REV1: variants seen among roughly 807,000 people sequenced by gnomAD.
The protein encoded by REV1 is REV1 DNA directed polymerase.
A neutral mutation model predicts 137.4 loss-of-function variants in REV1; 42 were observed. That is an observed-to-expected ratio of 0.31 (90% CI 0.24 to 0.40). The LOEUF (loss-of-function observed/expected upper bound fraction) is 0.40, where lower values mean the gene tolerates loss of function less well. Among genes scored for constraint, REV1 ranks in the 10% least tolerant of loss-of-function variants. REV1 has a pLI of 1.00. For synonymous variants in REV1, 524 were observed against 519.2 expected (o/e 1.01, Z -0.12); for missense variants, 1,282 against 1,490.1 (o/e 0.86, Z 2.30).
chr2:99,423,194 G>GAT (rs1337933407), intron 10 of REV1, among the ~76,000 whole-genome samples: 1 of 152,172 alleles, frequency 6.6e-6, no homozygotes, highest in African/African-American at 2.4e-5. Flanking sequence ...GCAAGGATTA[G>GAT]ATATTCCCTT....
chr2:99,465,071 G>A (rs1256976472), intron 1 of REV1, 86 bp from the exon 2 acceptor site: 1 of 1,161,428 alleles, frequency 8.6e-7, no homozygotes, highest in South Asian at 1.4e-5. Flanking sequence ...AAGAAAATGA[G>A]AAATTAAATT....
chr2:99,456,797 G>T (rs780463215), intron 3 of REV1, among the ~76,000 whole-genome samples: 7 of 152,224 alleles, frequency 4.6e-5, no homozygotes, highest in Non-Finnish European at 1.0e-4. Flanking sequence ...GGATCTTAAT[G>T]AATGAATATA....
intron 12 of REV1, among the ~76,000 whole-genome samples, chr2:99,417,957 T>C (rs1575026263): frequency 6.6e-6 from 1 of 152,226 alleles, no homozygotes; most frequent in South Asian, 2.1e-4. Context: ...AAAAATGTCA[T>C]ATTACACATT....
intron 15 of REV1, chr2:99,407,077 G>GTTTTTTTT (rs1293864331): frequency 1.1e-4 from 5 of 46,774 alleles, no homozygotes; most frequent in Non-Finnish European, 1.2e-4. Context: ...ACCTACAAAG[G>GTTTTTTTT]TTCTTTTTTT....
intron 11 of REV1, among the ~76,000 whole-genome samples, chr2:99,419,593 C>CA (rs1423541073): frequency 1.3e-5 from 2 of 152,070 alleles, no homozygotes; most frequent in African/African-American, 4.8e-5. Flanking sequence ...CCACAGGAGA[C>CA]AGAGGAGGTA....
chr2:99,454,514 C>T (rs2105014377), intron 3 of REV1, among the ~76,000 whole-genome samples: 1 of 139,270 alleles, frequency 7.2e-6, no homozygotes, highest in South Asian at 2.4e-4. Flanking sequence ...CCCGCCATTG[C>T]ACTCCAGCCT....
chr2:99,442,180 A>T, intron 5 of REV1, 137 bp downstream of exon 5: 1 of 702,552 alleles, frequency 1.4e-6, no homozygotes, highest in Non-Finnish European at 2.2e-6. Context: ...TGAACCTGGG[A>T]GGCAGAGGTT....
chr2:99,403,378 T>C (rs960804771), intron 19 of REV1: 1 of 556,254 alleles, frequency 1.8e-6, no homozygotes, highest in Non-Finnish European at 3.2e-6. Context: ...GTGATGCATT[T>C]TGAACCAACA....
At chr2:99,452,503 G>A (rs981127556) in intron 3 of REV1, among the ~76,000 whole-genome samples, 4 of 151,738 alleles carry the variant, frequency 2.6e-5, no homozygotes, top group Non-Finnish European at 5.9e-5. Flanking sequence ...TAAACATTGT[G>A]TGACACACTG....
chr2:99,435,715 GGAAGAACCGATTTTC>G, intron 7 of REV1, 104 bp downstream of exon 7: 1 of 570,376 alleles, frequency 1.8e-6, no homozygotes, highest in Non-Finnish European at 3.0e-6. Context: ...TAGAAAATTT[GGAAGAACCGATTTTC>G]CCAAGGAAAA....
At chr2:99,435,769 A>T in intron 7 of REV1, 65 bp downstream of exon 7, 1 of 816,096 alleles carries the variant, frequency 1.2e-6, no homozygotes, top group Non-Finnish European at 1.9e-6. Context: ...AGATTTTGTA[A>T]TCTCTTTGAA....
chr2:99,421,902 C>G (rs1678737149), intron 10 of REV1, among the ~76,000 whole-genome samples: 1 of 151,778 alleles, frequency 6.6e-6, no homozygotes, highest in South Asian at 2.1e-4. Flanking sequence ...GTAAAATAAC[C>G]AACAAAAAAA....
intron 10 of REV1, among the ~76,000 whole-genome samples, 170 bp from the exon 11 acceptor site, chr2:99,421,823 A>G (rs1347292909): frequency 2.0e-5 from 3 of 152,228 alleles, no homozygotes; most frequent in Non-Finnish European, 4.4e-5. Flanking sequence ...TGCAAAGTTA[A>G]TTAGTGTGTT....
At chr2:99,479,463 GT>G (rs1401290223) in intron 1 of REV1, among the ~76,000 whole-genome samples, 2 of 151,612 alleles carry the variant, frequency 1.3e-5, no homozygotes, top group African/African-American at 4.9e-5. Context: ...ATAATCTATA[GT>G]TTTCAAGGTG....
intron 1 of REV1, among the ~76,000 whole-genome samples, chr2:99,467,384 C>G (rs559849126): frequency 6.6e-6 from 1 of 152,158 alleles, no homozygotes; most frequent in South Asian, 2.1e-4. Flanking sequence ...ATTTTAGCTT[C>G]GTCATTTCCA....
chr2:99,464,793 G>T, intron 2 of REV1, 129 bp downstream of exon 2: 1 of 850,104 alleles, frequency 1.2e-6, no homozygotes, highest in Non-Finnish European at 1.9e-6. Context: ...TCAATACACT[G>T]TGAAAACTCA....
chr2:99,486,026 G>A (rs1333458373), intron 1 of REV1, among the ~76,000 whole-genome samples: 1 of 152,230 alleles, frequency 6.6e-6, no homozygotes, highest in Non-Finnish European at 1.5e-5. Context: ...TCGAGCGCCT[G>A]AGGCGGGAGG....
chr2:99,431,110 G>T (rs1167099937), intron 8 of REV1, among the ~76,000 whole-genome samples: 1 of 152,120 alleles, frequency 6.6e-6, no homozygotes, highest in Non-Finnish European at 1.5e-5. Context: ...GGCTTCATGG[G>T]CTTAAACAAC....
In REV1 at chr2:99,402,975, T is replaced by C; in HGVS notation, c.3298A>G (p.Lys1100Glu). 6.2e-7 allele frequency: 1 copy of C among 1,614,208 alleles called. No homozygotes were observed. The highest frequency in any genetic ancestry group is 8.5e-7 in the Non-Finnish European group (1 of 1,180,026). ...LNNKLLNSPAKTLPGACGSPQ... is the reference protein window; with the variant it reads ...LNNKLLNSPAETLPGACGSPQ... ...CTGCCACAGGCCCCTGGCAGAGTTT[T>C]TGCAGGACTGTTAAGCAGCTTGTTA... The change falls in exon 20 of 23, where the codon AAA becomes GAA. Residue 1100 changes from lysine (K) to glutamate (E), a missense_variant. Around this residue, in one of 7 missense-constraint regions of REV1, gnomAD observed 170 missense variants for 156.8 expected, o/e 1.08. Coordinates refer to ENST00000258428, the MANE Select transcript of REV1 (RefSeq NM_016316.4).
Sources: allele counts gnomAD v4.1 joint callset (sites outside exome capture counted in the v4.1 genomes callset), GRCh38; gene constraint gnomAD v4.1.1; regional missense constraint gnomAD v4.1.1; transcripts MANE v1.5; gene names NCBI Gene and HGNC (gene_info 2026-07-23, HGNC 2026-07-21).